The following ABHD17C variants were observed in gnomAD, a reference collection of about 807,000 sequenced individuals.
The protein encoded by ABHD17C is alpha/beta hydrolase domain-containing protein 17C.
Under a neutral mutation model 27.9 loss-of-function variants are expected in ABHD17C, and 11 were observed. The observed-to-expected ratio is 0.39, with a 90% CI of 0.25 to 0.65. The LOEUF (loss-of-function observed/expected upper bound fraction) is 0.65, where lower values mean the gene tolerates loss of function less well. Ranked by LOEUF, ABHD17C falls within the 30% of genes least tolerant of loss-of-function variation. The pLI is 0.45. For missense variants in ABHD17C, 280 were observed against 470.2 expected, an observed-to-expected ratio of 0.60 and a Z score of 3.74; for synonymous variants, 233 against 209.1, an observed-to-expected ratio of 1.11 and a Z score of -0.98.
chr15:80,706,949 A>G (rs1894656505), intron 1 of ABHD17C, among the ~76,000 whole-genome samples: 1 of 152,238 alleles, frequency 6.6e-6, no homozygotes, highest in South Asian at 2.1e-4. Context: ...GGAAAGGACA[A>G]TTCGCATGCT....
At chr15:80,701,849 C>T (rs926253727) in intron 1 of ABHD17C, among the ~76,000 whole-genome samples, 1 of 152,068 alleles carries the variant, frequency 6.6e-6, no homozygotes, top group Non-Finnish European at 1.5e-5. Context: ...AGGCATAGTC[C>T]GTTTTGGGGA....
intron 1 of ABHD17C, among the ~76,000 whole-genome samples, chr15:80,745,614 A>G (rs963473788): frequency 6.6e-6 from 1 of 151,902 alleles, no homozygotes; most frequent in Admixed American, 6.6e-5. Context: ...TGATCTTCCC[A>G]CCTTGGCCTT....
intron 1 of ABHD17C, among the ~76,000 whole-genome samples, chr15:80,714,676 G>T (rs564853777): frequency 2.0e-5 from 3 of 152,172 alleles, no homozygotes; most frequent in South Asian, 4.2e-4. Flanking sequence ...ATTGTTTTTT[G>T]TGTGTTTTCA....
chr15:80,722,208 TTG>T (rs942240867), intron 1 of ABHD17C, among the ~76,000 whole-genome samples: 133 of 152,194 alleles, frequency 8.7e-4, no homozygotes, highest in Middle Eastern at 6.8e-3. Flanking sequence ...CTCTCTGCTG[TTG>T]TAAGTTTATT....
In ABHD17C at chr15:80,695,902, G is replaced by A. The variant is rs777167453; in HGVS notation, c.473G>A (p.Arg158His). The A allele has an allele frequency of 1.3e-6, 2 of 1,596,828 alleles. No individual in the cohort carries two copies. The highest frequency in any genetic ancestry group is 2.2e-5 in the East Asian group (1 of 44,774). ...AGCTTCTACATTGGCCTCGGCTCCC[G>A]CATCAACTGCAACATCTTCTCCTAC... The part of the protein sequence containing the change: ...MCSFYIGLGS[R>H]INCNIFSYDY... Residue 158 changes from arginine (R) to histidine (H), a missense_variant, in exon 1 of 3, where the codon CGC becomes CAC. Coordinates refer to ENST00000258884, the MANE Select transcript of ABHD17C (RefSeq NM_021214.2). The surrounding 1 kb of genome is among the most constrained non-coding windows in gnomAD (Gnocchi z 4.3).
In ABHD17C at chr15:80,713,900, CCACACACACA is replaced by C. The variant is rs58311304; in HGVS notation, c.590+17912_590+17921del. On this transcript the variant is annotated intron_variant, in intron 1 of 2. Coordinates refer to ENST00000258884, the MANE Select transcript of ABHD17C (RefSeq NM_021214.2). ...GGGTCTCATTGTCTCCATATACAGA[CCACACACACA>C]CACACACACACACACACACACACAC... Among the ~76,000 whole-genome samples, 1,055 of 141,132 alleles carry C rather than the reference CCACACACACA, an allele frequency of 7.5e-3. 7 individuals carry two copies. The highest frequency in any genetic ancestry group is 0.022 in the African/African-American group (812 of 37,496). The allele number at this position is 141,132 out of a possible 152,430, so 92.6% of individuals were successfully genotyped here.
chr15:80,716,683 T>A (rs1894807426), intron 1 of ABHD17C, among the ~76,000 whole-genome samples: 1 of 152,230 alleles, frequency 6.6e-6, no homozygotes, highest in Non-Finnish European at 1.5e-5. Context: ...AAGGCAGAAG[T>A]GGCGTCTTGT....
chr15:80,726,689 T>C (rs1462056610), intron 1 of ABHD17C, among the ~76,000 whole-genome samples: 1 of 151,816 alleles, frequency 6.6e-6, no homozygotes, highest in African/African-American at 2.4e-5. Flanking sequence ...ATTTTTTGTA[T>C]TTTTAGTAGA....
intron 1 of ABHD17C, among the ~76,000 whole-genome samples, chr15:80,748,162 C>G (rs1236237245): frequency 1.3e-5 from 2 of 152,196 alleles, no homozygotes; most frequent in Non-Finnish European, 2.9e-5. Context: ...TCCATTCTTC[C>G]ATGGAGTTTC....
intron 2 of ABHD17C, among the ~76,000 whole-genome samples, chr15:80,750,207 T>C (rs535385742): frequency 4.6e-5 from 7 of 152,246 alleles, no homozygotes; most frequent in Non-Finnish European, 1.0e-4. Flanking sequence ...AATAGAAGAA[T>C]AAAGGCAAAG....
intron 1 of ABHD17C, among the ~76,000 whole-genome samples, chr15:80,703,786 C>T (rs1402819428): frequency 6.6e-6 from 1 of 152,146 alleles, no homozygotes. Flanking sequence ...ATTTTTTATA[C>T]ATTTATATAC....
chr15:80,730,179 T>C (rs1474283884), intron 1 of ABHD17C, among the ~76,000 whole-genome samples: 1 of 152,084 alleles, frequency 6.6e-6, no homozygotes, highest in Non-Finnish European at 1.5e-5. Context: ...TGGTTATAGA[T>C]AAGCCTCACC....
intron 1 of ABHD17C, among the ~76,000 whole-genome samples, chr15:80,744,027 G>T (rs1895248943): frequency 6.6e-6 from 1 of 152,140 alleles, no homozygotes; most frequent in African/African-American, 2.4e-5. Context: ...CTTTTCACTT[G>T]ATCCTGTTAT....
chr15:80,752,482 A>C (rs1895377776), intron 2 of ABHD17C, among the ~76,000 whole-genome samples: 1 of 152,222 alleles, frequency 6.6e-6, no homozygotes, highest in Non-Finnish European at 1.5e-5. Context: ...CCTGTTATTT[A>C]ATAATCTCTC....
At chr15:80,713,623 C>T (rs1343856937) in intron 1 of ABHD17C, among the ~76,000 whole-genome samples, 5 of 151,792 alleles carry the variant, frequency 3.3e-5, no homozygotes, top group Admixed American at 6.6e-5. Flanking sequence ...GCCTGGCCAA[C>T]ATAGTGAAAC....
intron 1 of ABHD17C, among the ~76,000 whole-genome samples, chr15:80,725,668 G>A (rs966239159): frequency 7.2e-5 from 11 of 152,046 alleles, no homozygotes; most frequent in African/African-American, 2.4e-4. Context: ...GTGCACCACC[G>A]TGACTAGCTA....
Position 80,754,648 on chromosome 15 carries a change from G to A in ABHD17C, c.*278G>A, listed in dbSNP as rs966729420. ...AATGTAGGGACAATTTTCTAGTGCT[G>A]TATAAAGTAGCCTCGCATCTGTTTC... On this transcript the variant is annotated 3_prime_UTR_variant, in exon 3 of 3. Coordinates refer to ENST00000258884, the MANE Select transcript of ABHD17C (RefSeq NM_021214.2). The A allele has an allele frequency of 1.7e-5, 6 of 351,494 alleles. No homozygotes were observed. The highest frequency in any genetic ancestry group is 2.6e-5 in the Non-Finnish European group (5 of 190,874). 21.8% of individuals were successfully genotyped at this position (351,494 alleles called of 1,614,324 possible).
At chr15:80,738,581 G>A (rs1174813935) in intron 1 of ABHD17C, among the ~76,000 whole-genome samples, 1 of 152,190 alleles carries the variant, frequency 6.6e-6, no homozygotes, top group Non-Finnish European at 1.5e-5. Context: ...CTCAAAGATA[G>A]AAATGGTGAG....
At chr15:80,697,387 G>A (rs1894509585) in intron 1 of ABHD17C, among the ~76,000 whole-genome samples, 1 of 152,228 alleles carries the variant, frequency 6.6e-6, no homozygotes, top group African/African-American at 2.4e-5. Flanking sequence ...TCTATAGCTT[G>A]CTAGAATTTG....
Sources: allele counts gnomAD v4.1 joint callset (sites outside exome capture counted in the v4.1 genomes callset), GRCh38; gene constraint gnomAD v4.1.1; non-coding constraint Gnocchi (gnomAD v3.1); transcripts MANE v1.5; gene names NCBI Gene and HGNC (gene_info 2026-07-23, HGNC 2026-07-21).